NDUFAF7: variants seen among roughly 807,000 people sequenced by gnomAD.
NDUFAF7 encodes the protein NADH:ubiquinone oxidoreductase complex assembly factor 7, also known as protein arginine methyltransferase NDUFAF7, mitochondrial.
NDUFAF7 carries 48 observed loss-of-function variants against 47.2 expected under a neutral mutation model. The ratio of observed to expected loss-of-function variants is 1.02; its 90% CI spans 0.81 to 1.29. The LOEUF is 1.29. Among genes scored for constraint, NDUFAF7 ranks in the 50% most tolerant of loss-of-function variants. NDUFAF7 has a pLI of 0.00. For synonymous variants in NDUFAF7, 217 were observed against 190.0 expected, an observed-to-expected ratio of 1.14 and a Z score of -1.17; for missense variants, 635 against 537.6, an observed-to-expected ratio of 1.18 and a Z score of -1.79.
At chr2:37,240,856 A>G (rs982247533) in intron 4 of NDUFAF7, among the ~76,000 whole-genome samples, 4 of 152,110 alleles carry the variant, frequency 2.6e-5, no homozygotes, top group South Asian at 4.1e-4. Flanking sequence ...AAGTTTTTCC[A>G]TTTGTATTTC....
the NDUFAF7 span, among the ~76,000 whole-genome samples, chr2:37,263,544 CTTTATAAATG>C: frequency 6.6e-6 from 1 of 152,032 alleles, no homozygotes; most frequent in Non-Finnish European, 1.5e-5. Flanking sequence ...TTTAGTTTTT[CTTTATAAATG>C]TTTATGGTGT....
At position 37,241,558 on chromosome 2, in the gene NDUFAF7, TTTC is replaced by T. The variant is rs773192717; in HGVS notation, c.409-14_409-12del. ...ACCTACTTAACACATTGTATTTTTT[TTTC>T]TTCTTTTGGTATTTAGGTGTTCACT... On this transcript the variant is annotated splice_polypyrimidine_tract_variant and intron_variant, in intron 4 of 9. Transcript: ENST00000002125. 2.5e-6 allele frequency: 4 copies of T among 1,587,556 alleles called. No homozygotes were observed. The highest frequency in any genetic ancestry group is 2.6e-6 in the Non-Finnish European group (3 of 1,158,940).
At chr2:37,243,792 C>T in intron 6 of NDUFAF7, 71 bp from the exon 7 acceptor site, 3 of 1,116,520 alleles carry the variant, frequency 2.7e-6, no homozygotes, top group Non-Finnish European at 4.0e-6. Context: ...GGAGAAAAAG[C>T]TATTTTTGGT....
At chr2:37,268,607 T>C in the NDUFAF7 span, 2 of 257,576 alleles carry the variant, frequency 7.8e-6, no homozygotes, top group South Asian at 4.0e-5. Flanking sequence ...ATGTTTTTAT[T>C]TGATGGAGAA....
chr2:37,241,774 T>C lies in NDUFAF7; in HGVS notation c.605T>C (p.Leu202Pro), dbSNP rs1427263843. The C allele has an allele frequency of 6.2e-7, 1 of 1,613,548 alleles. No individual in the cohort carries two copies. The change falls in exon 5 of 10, where the codon CTG (leucine) becomes CCG (proline). Residue 202 changes from leucine to proline, a missense_variant. Leu to Pro is a moderately conservative substitution (Grantham distance 98, BLOSUM62 -3). Coordinates refer to ENST00000002125, the MANE Select transcript of NDUFAF7 (RefSeq NM_144736.5). Reference sequence around the variant, plus strand: ...ATTCCAATTTCCTGGTACCGAGATCTGCACGATGTTCCAAAAGGTAATTAC... The same window carrying C: ...ATTCCAATTTCCTGGTACCGAGATCCGCACGATGTTCCAAAAGGTAATTAC... ...SGIPISWYRD[L>P]HDVPKGYSFY...
In NDUFAF7 at chr2:37,243,923, C is replaced by CT. The variant is rs1359391457; in HGVS notation, c.743dup (p.Arg249GlufsTer18). On this transcript the variant is annotated frameshift_variant, in exon 7 of 10. Transcript: ENST00000002125. LOFTEE classifies it high-confidence loss of function. Reference sequence around the variant, plus strand: ...CATTGATCCACAGGTTTCTGATAAACTGAGGTTTGTTTTGGCACCTTCTGC... The same window carrying CT: ...CATTGATCCACAGGTTTCTGATAAACTTGAGGTTTGTTTTGGCACCTTCTGC... The CT allele has an allele frequency of 6.2e-7, 1 of 1,613,924 alleles. No individual in the cohort carries two copies. Among genetic ancestry groups the CT allele is most frequent in the Non-Finnish European group, 8.5e-7 (1 of 1,179,972 alleles).
At chr2:37,264,445 A>G in the NDUFAF7 span, among the ~76,000 whole-genome samples, 1 of 151,912 alleles carries the variant, frequency 6.6e-6, no homozygotes, top group East Asian at 1.9e-4. Context: ...ACAATGGGAA[A>G]TAAAATAGTA....
the NDUFAF7 span, among the ~76,000 whole-genome samples, chr2:37,270,381 T>C: frequency 6.8e-6 from 1 of 147,554 alleles, no homozygotes; most frequent in African/African-American, 2.5e-5. Flanking sequence ...CAAAAGTTCA[T>C]ATTACTGGGA....
At chr2:37,268,272 G>A in the NDUFAF7 span, 1 of 469,334 alleles carries the variant, frequency 2.1e-6, no homozygotes, top group Non-Finnish European at 4.4e-6. Context: ...GAACAAATGT[G>A]TGCATTTTTG....
the NDUFAF7 span, among the ~76,000 whole-genome samples, chr2:37,260,813 TTATC>T: frequency 1.3e-5 from 2 of 152,212 alleles, no homozygotes; most frequent in African/African-American, 4.8e-5. Flanking sequence ...AGGTAGTTAT[TTATC>T]TAAGTCTTGA....
chr2:37,269,341 CT>C, the NDUFAF7 span: 16 of 399,902 alleles, frequency 4.0e-5, no homozygotes, highest in African/African-American at 8.1e-5. Context: ...ATCTCCCCCC[CT>C]GCCTCCGACA....
chr2:37,236,782 A>G (rs1167424787), intron 3 of NDUFAF7, among the ~76,000 whole-genome samples: 2 of 148,712 alleles, frequency 1.3e-5, no homozygotes, highest in African/African-American at 4.9e-5. Flanking sequence ...CTCCGTCTCA[A>G]AAAAAAAAAA....
intron 6 of NDUFAF7, 47 bp from the exon 7 acceptor site, chr2:37,243,815 GA>G (rs779513493): frequency 7.1e-7 from 1 of 1,412,482 alleles, no homozygotes; most frequent in Admixed American, 1.7e-5. Flanking sequence ...AAGCAATGTA[GA>G]GAACAAACTT....
downstream of NDUFAF7, chr2:37,256,547 AG>A: frequency 5.5e-6 from 7 of 1,267,658 alleles, no homozygotes; most frequent in Non-Finnish European, 7.3e-6. Flanking sequence ...GATGAATGGG[AG>A]ATGTACTAAA....
the NDUFAF7 span, chr2:37,268,014 TA>T: frequency 1.2e-4 from 22 of 190,544 alleles, no homozygotes; most frequent in Non-Finnish European, 2.0e-4. Flanking sequence ...ATCTAGATAT[TA>T]AAAAAAGGTA....
At chr2:37,234,165 C>T (rs1390820915) in intron 2 of NDUFAF7, among the ~76,000 whole-genome samples, 4 of 152,208 alleles carry the variant, frequency 2.6e-5, no homozygotes, top group African/African-American at 9.7e-5. Flanking sequence ...TCTTGGCTCA[C>T]TGCAACCTCC....
chr2:37,260,398 G>T, the NDUFAF7 span: 8 of 1,603,762 alleles, frequency 5.0e-6, no homozygotes, highest in Non-Finnish European at 6.8e-6. Flanking sequence ...AAGAGAGGTT[G>T]CAAGATACAT....
chr2:37,267,844 G>A, the NDUFAF7 span: 4 of 271,800 alleles, frequency 1.5e-5, no homozygotes, highest in South Asian at 2.0e-4. Flanking sequence ...TAGTCCTTCA[G>A]AGACTCTGTC....
the NDUFAF7 span, chr2:37,267,717 A>G: frequency 2.6e-4 from 142 of 539,540 alleles, no homozygotes; most frequent in Middle Eastern, 3.4e-3. Context: ...CCCTCCATAC[A>G]TAATATTTGC....
Sources: allele counts gnomAD v4.1 joint callset (sites outside exome capture counted in the v4.1 genomes callset), GRCh38; gene constraint gnomAD v4.1.1; transcripts MANE v1.5; gene names NCBI Gene and HGNC (gene_info 2026-07-23, HGNC 2026-07-21).